TANC2: variants seen among roughly 807,000 people sequenced by gnomAD.
TANC2 encodes the protein protein TANC2.
A neutral mutation model predicts 210.5 loss-of-function variants in TANC2; 26 were observed. That is an observed-to-expected ratio of 0.12 (90% CI 0.09 to 0.17). The LOEUF is 0.17. TANC2 is among the 10% of genes least tolerant of loss of function. The pLI, the probability that TANC2 is intolerant of heterozygous loss-of-function variation, is 1.00. For missense variants in TANC2, 2,129 were observed against 2,608.9 expected (o/e 0.82, Z 4.01); for synonymous variants, 931 against 967.1 (o/e 0.96, Z 0.69).
intron 11 of TANC2, among the ~76,000 whole-genome samples, chr17:63,325,226 A>G (rs1598856325): frequency 6.6e-6 from 1 of 152,146 alleles, no homozygotes; most frequent in East Asian, 1.9e-4. Flanking sequence ...TTTCCTGGGG[A>G]GCAAAACCAC....
At chr17:63,071,844 A>G (rs985526687) in intron 2 of TANC2, among the ~76,000 whole-genome samples, 22 of 152,170 alleles carry the variant, frequency 1.4e-4, no homozygotes, top group Admixed American at 1.4e-3. Flanking sequence ...AAACGGGAAC[A>G]TGAATTGAAC....
intron 12 of TANC2, among the ~76,000 whole-genome samples, chr17:63,351,041 A>G (rs1273795142): frequency 6.6e-6 from 1 of 152,142 alleles, no homozygotes; most frequent in East Asian, 1.9e-4. Context: ...ATATGTGACA[A>G]AAGCCTTCAT....
intron 17 of TANC2, among the ~76,000 whole-genome samples, chr17:63,395,021 A>G (rs1050984153): frequency 6.6e-6 from 1 of 152,266 alleles, no homozygotes; most frequent in African/African-American, 2.4e-5. Flanking sequence ...ACCGCAGGAC[A>G]AGTACCACCT....
At chr17:63,313,679 A>G (rs2045208275) in intron 9 of TANC2, among the ~76,000 whole-genome samples, 1 of 152,214 alleles carries the variant, frequency 6.6e-6, no homozygotes, top group Non-Finnish European at 1.5e-5. Flanking sequence ...ACTGCTTAGA[A>G]TGTTTAAGAT....
intron 2 of TANC2, among the ~76,000 whole-genome samples, chr17:63,043,402 C>A (rs540798328): frequency 6.6e-6 from 1 of 152,140 alleles, no homozygotes; most frequent in South Asian, 2.1e-4. Flanking sequence ...CATATACATA[C>A]ATATATAAAC....
At chr17:63,410,140 C>A (rs2048644527) in intron 21 of TANC2, among the ~76,000 whole-genome samples, 2 of 152,168 alleles carry the variant, frequency 1.3e-5, no homozygotes, top group Non-Finnish European at 2.9e-5. Flanking sequence ...ACCTTACACA[C>A]TTTTTTCTTC....
intron 5 of TANC2, among the ~76,000 whole-genome samples, chr17:63,189,713 A>G (rs796940034): frequency 4.0e-5 from 6 of 151,744 alleles, no homozygotes; most frequent in African/African-American, 1.5e-4. Flanking sequence ...TTGTCTTTTC[A>G]CTCTCTTGAT....
At chr17:63,177,115 A>C (rs2145618464) in intron 5 of TANC2, among the ~76,000 whole-genome samples, 1 of 151,602 alleles carries the variant, frequency 6.6e-6, no homozygotes. Flanking sequence ...AATACAAAAA[A>C]TTAGCTGGGC....
At chr17:63,057,820 AC>A (rs2035858461) in intron 2 of TANC2, among the ~76,000 whole-genome samples, 1 of 152,030 alleles carries the variant, frequency 6.6e-6, no homozygotes, top group Non-Finnish European at 1.5e-5. Flanking sequence ...CATTTTCGTT[AC>A]CCAGTCTGCC....
chr17:63,118,872 TC>T (rs2038353017), intron 4 of TANC2, among the ~76,000 whole-genome samples: 3 of 149,464 alleles, frequency 2.0e-5, no homozygotes, highest in African/African-American at 7.4e-5. Context: ...AAGCTCTGCC[TC>T]CCGGGTTCAC....
intron 4 of TANC2, among the ~76,000 whole-genome samples, chr17:63,133,476 A>G (rs2038990132): frequency 2.1e-5 from 2 of 95,160 alleles, no homozygotes; most frequent in South Asian, 5.0e-4. Flanking sequence ...TTCGAAAAAG[A>G]AAAAAAAAAA....
chr17:63,010,467 T>A (rs2033816363), intron 2 of TANC2, among the ~76,000 whole-genome samples: 1 of 152,228 alleles, frequency 6.6e-6, no homozygotes, highest in Non-Finnish European at 1.5e-5. Context: ...TGTGGGTTTT[T>A]TTTTTTTTTC....
At position 63,328,901 on chromosome 17, in the gene TANC2, T is replaced by C. The variant is rs536456563; in HGVS notation, c.1575+9811T>C. 7.2e-5 allele frequency among the ~76,000 whole-genome samples: 11 copies of C among 152,290 alleles called. No individual in the cohort carries two copies. The South Asian group carries it at 2.3e-3, about 32-fold the overall frequency. On this transcript the variant is annotated intron_variant, in intron 11 of 27. Coordinates refer to ENST00000689528, the Ensembl canonical transcript of TANC2. Reference sequence around the variant, plus strand: ...AACATCACATTGTACCCCATAAATGTATGCAATTATGATTAGTCAATCAAA... The same window carrying C: ...AACATCACATTGTACCCCATAAATGCATGCAATTATGATTAGTCAATCAAA...
At chr17:63,288,892 T>C (rs2044302551) in intron 9 of TANC2, among the ~76,000 whole-genome samples, 1 of 152,180 alleles carries the variant, frequency 6.6e-6, no homozygotes, top group South Asian at 2.1e-4. Flanking sequence ...GCAACAAATT[T>C]CCTCAATTTT....
chr17:63,358,929 A>G (rs2046868375), intron 14 of TANC2, among the ~76,000 whole-genome samples: 1 of 150,606 alleles, frequency 6.6e-6, no homozygotes, highest in African/African-American at 2.5e-5. Context: ...CTCAATTTTC[A>G]TGATATCTAA....
chr17:62,986,668 G>A (rs1168989264), intron 1 of TANC2, among the ~76,000 whole-genome samples: 2 of 152,034 alleles, frequency 1.3e-5, no homozygotes, highest in Non-Finnish European at 2.9e-5. Context: ...GGGGAGGGAT[G>A]TCTGCTAGGG....
rs1389931595 is a variant in TANC2, at chr17:63,420,359, T to C, written c.4629T>C (p.Pro1543=). 6.2e-7 allele frequency: 1 copy of C among 1,613,838 alleles called. No individual in the cohort carries two copies. The highest frequency in any genetic ancestry group is 1.1e-5 in the South Asian group (1 of 91,076). ...ACTCAGCCTACATCTCCAGCTCACC[T>C]CTTGGCTCTCATCAGGTTTTTGACT... Residue 1543 remains proline (P), a synonymous_variant, in exon 28 of 28, where the codon CCT becomes CCC. Coordinates refer to ENST00000689528, the Ensembl canonical transcript of TANC2. The surrounding 1 kb of genome is among the most constrained non-coding windows in gnomAD (Gnocchi z 4.2).
chr17:62,992,476 T>C (rs2032918856), intron 1 of TANC2, among the ~76,000 whole-genome samples: 1 of 152,200 alleles, frequency 6.6e-6, no homozygotes, highest in Admixed American at 6.5e-5. Context: ...GAGTATACTA[T>C]TAGTCCAGTA....
intron 9 of TANC2, among the ~76,000 whole-genome samples, chr17:63,279,360 ATG>A (rs2043991825): frequency 6.6e-6 from 1 of 152,182 alleles, no homozygotes. Context: ...CATGAGGTAT[ATG>A]TATCCCCTTT....
Sources: allele counts gnomAD v4.1 joint callset (sites outside exome capture counted in the v4.1 genomes callset), GRCh38; gene constraint gnomAD v4.1.1; non-coding constraint Gnocchi (gnomAD v3.1); transcripts MANE v1.5; gene names NCBI Gene and HGNC (gene_info 2026-07-23, HGNC 2026-07-21).